ARK2C: variants seen among roughly 807,000 people sequenced by gnomAD.
The protein encoded by ARK2C is E3 ubiquitin-protein ligase ARK2C.
At chr18:46,430,480 C>A in the ARK2C span, among the ~76,000 whole-genome samples, 1 of 152,256 alleles carries the variant, frequency 6.6e-6, no homozygotes, top group Non-Finnish European at 1.5e-5. Flanking sequence ...CACTCAGAGG[C>A]CTTTTCTATC....
chr18:46,362,627 A>C, the ARK2C span, among the ~76,000 whole-genome samples: 1 of 152,244 alleles, frequency 6.6e-6, no homozygotes, highest in Non-Finnish European at 1.5e-5. Flanking sequence ...AAGCTTTGCT[A>C]TTTCCAGACA....
the ARK2C span, among the ~76,000 whole-genome samples, chr18:46,408,405 C>A: frequency 6.6e-6 from 1 of 152,222 alleles, no homozygotes; most frequent in South Asian, 2.1e-4. Context: ...CAGCCTGGCA[C>A]ACGCACCTGC....
At chr18:46,431,024 C>T in the ARK2C span, among the ~76,000 whole-genome samples, 1 of 152,124 alleles carries the variant, frequency 6.6e-6, no homozygotes. Flanking sequence ...GGTATTTCTC[C>T]TAATGCTCTC....
At chr18:46,393,951 C>A in the ARK2C span, among the ~76,000 whole-genome samples, 18 of 152,318 alleles carry the variant, frequency 1.2e-4, 1 homozygote, top group Admixed American at 3.9e-4. Flanking sequence ...TGGTGGGGAT[C>A]CTGTGGGATT....
At chr18:46,360,895 G>A in the ARK2C span, among the ~76,000 whole-genome samples, 3 of 152,342 alleles carry the variant, frequency 2.0e-5, no homozygotes, top group South Asian at 6.2e-4. Context: ...AGGAGCTTTG[G>A]CCCAGAGGCC....
At chr18:46,349,042 A>G in the ARK2C span, among the ~76,000 whole-genome samples, 1 of 152,072 alleles carries the variant, frequency 6.6e-6, no homozygotes, top group Non-Finnish European at 1.5e-5. Context: ...ACTGGCCAGA[A>G]GCAACTCCCT....
the ARK2C span, among the ~76,000 whole-genome samples, chr18:46,412,909 T>C: frequency 6.6e-6 from 1 of 151,998 alleles, no homozygotes; most frequent in Non-Finnish European, 1.5e-5. Context: ...AGATCCTCCC[T>C]CTCTCCCTGA....
At chr18:46,391,247 G>T in the ARK2C span, among the ~76,000 whole-genome samples, 13 of 152,216 alleles carry the variant, frequency 8.5e-5, no homozygotes, top group Non-Finnish European at 1.6e-4. Context: ...CTTGAGGTGG[G>T]AGGCTGGGGT....
At chr18:46,414,996 A>T in the ARK2C span, among the ~76,000 whole-genome samples, 1 of 152,072 alleles carries the variant, frequency 6.6e-6, no homozygotes, top group Non-Finnish European at 1.5e-5. Flanking sequence ...GCTCATGGAC[A>T]CTCCATCGGC....
the ARK2C span, among the ~76,000 whole-genome samples, chr18:46,372,550 G>A: frequency 6.6e-6 from 1 of 152,232 alleles, no homozygotes; most frequent in African/African-American, 2.4e-5. Context: ...CTTGTTGGAG[G>A]CCTGGAAGGG....
chr18:46,434,896 A>G, the ARK2C span, among the ~76,000 whole-genome samples: 2 of 152,116 alleles, frequency 1.3e-5, no homozygotes, highest in Non-Finnish European at 2.9e-5. Context: ...GGAGAAGAGC[A>G]TGATGGGAGT....
chr18:46,405,868 G>A, the ARK2C span, among the ~76,000 whole-genome samples: 1 of 152,180 alleles, frequency 6.6e-6, no homozygotes, highest in East Asian at 1.9e-4. Flanking sequence ...TGGCAGGGAA[G>A]CCATCCCCTG....
the ARK2C span, among the ~76,000 whole-genome samples, chr18:46,403,712 A>G: frequency 2.0e-5 from 3 of 152,026 alleles, no homozygotes; most frequent in East Asian, 5.8e-4. Flanking sequence ...ACTCCATCTC[A>G]ACTAAAAATA....
the ARK2C span, among the ~76,000 whole-genome samples, chr18:46,391,923 C>T: frequency 2.6e-5 from 4 of 151,662 alleles, no homozygotes; most frequent in Non-Finnish European, 4.4e-5. Flanking sequence ...CACTTATACA[C>T]GTACACCATG....
At chr18:46,394,094 T>G in the ARK2C span, among the ~76,000 whole-genome samples, 4 of 152,178 alleles carry the variant, frequency 2.6e-5, no homozygotes, top group Non-Finnish European at 5.9e-5. Context: ...CACACCAGAC[T>G]CTAATTTCCT....
the ARK2C span, chr18:46,450,474 C>T: frequency 1.7e-6 from 2 of 1,145,190 alleles, no homozygotes; most frequent in South Asian, 2.5e-5. Context: ...TCCCTCCCCA[C>T]CTCTGCTGGT....
chr18:46,399,413 T>C, the ARK2C span, among the ~76,000 whole-genome samples: 15 of 152,184 alleles, frequency 9.9e-5, no homozygotes. Flanking sequence ...GGCCAGGCCA[T>C]GGGGCCTCCA....
At chr18:46,392,407 C>T in the ARK2C span, among the ~76,000 whole-genome samples, 1 of 152,208 alleles carries the variant, frequency 6.6e-6, no homozygotes, top group African/African-American at 2.4e-5. Context: ...CTAAGGCCCT[C>T]AGGGCCCTCA....
chr18:46,405,966 A>C, the ARK2C span, among the ~76,000 whole-genome samples: 2 of 151,932 alleles, frequency 1.3e-5, no homozygotes, highest in Admixed American at 1.3e-4. Context: ...TACACCCTAC[A>C]CACTCATCCA....
Sources: allele counts gnomAD v4.1 joint callset (sites outside exome capture counted in the v4.1 genomes callset), GRCh38; gene constraint gnomAD v4.1.1; transcripts MANE v1.5; gene names NCBI Gene and HGNC (gene_info 2026-07-23, HGNC 2026-07-21).